Variants in SPIDR observed in about 807,000 individuals in gnomAD.
SPIDR encodes the protein DNA repair-scaffolding protein.
In SPIDR, 93 loss-of-function variants were observed where a neutral mutation model predicts 104.6. The observed-to-expected ratio is 0.89, with a 90% CI of 0.75 to 1.06. The LOEUF (loss-of-function observed/expected upper bound fraction) is 1.06, where lower values mean the gene tolerates loss of function less well. Ranked by LOEUF, SPIDR falls within the 50% of genes least tolerant of loss-of-function variation. The probability of loss-of-function intolerance (pLI) is 0.00; values close to 1 mark genes in which losing one functional copy is unlikely to be tolerated. For missense variants in SPIDR, 1,154 were observed against 1,111.2 expected (o/e 1.04, Z -0.55); for synonymous variants, 431 against 416.9 (o/e 1.03, Z -0.41).
intron 8 of SPIDR, among the ~76,000 whole-genome samples, chr8:47,549,331 A>T (rs564195611): frequency 1.3e-5 from 2 of 152,274 alleles, no homozygotes; most frequent in Admixed American, 6.5e-5. Context: ...TCTAGATCCT[A>T]GAGGAGTCGT....
chr8:47,516,320 T>C (rs2083144112), intron 8 of SPIDR, among the ~76,000 whole-genome samples: 3 of 152,242 alleles, frequency 2.0e-5, no homozygotes, highest in Admixed American at 2.0e-4. Flanking sequence ...TTTTTAGATG[T>C]ATTTTCAGTG....
At chr8:47,483,378 C>T (rs1314109614) in intron 8 of SPIDR, among the ~76,000 whole-genome samples, 10 of 152,128 alleles carry the variant, frequency 6.6e-5, no homozygotes, top group Non-Finnish European at 1.3e-4. Flanking sequence ...AGGTAAGATA[C>T]GCAGTCTGTC....
At chr8:47,605,880 CA>C (rs1485491639) in intron 10 of SPIDR, among the ~76,000 whole-genome samples, 3 of 152,162 alleles carry the variant, frequency 2.0e-5, no homozygotes. Flanking sequence ...TAAGCAAAGA[CA>C]AGCTATCGCA....
In SPIDR at chr8:47,269,165, CTT is replaced by C. The variant is rs1160351168; in HGVS notation, c.33+8197_33+8198del. Among the ~76,000 whole-genome samples, 155 of 111,798 alleles carry C rather than the reference CTT, an allele frequency of 1.4e-3. 1 individual carries two copies. Among genetic ancestry groups the C allele is most frequent in the African/African-American group, 4.0e-3 (105 of 26,548 alleles). 73.3% of individuals were successfully genotyped at this position (111,798 alleles called of 152,430 possible). ...CTGGGCAACAGAGTGAGACCCTCTC[CTT>C]TTTTTTTTTTTTTTTTTTTTTTAAA... On this transcript the variant is annotated intron_variant, in intron 1 of 19. Coordinates refer to ENST00000297423, the MANE Select transcript of SPIDR (RefSeq NM_001080394.4).
At chr8:47,587,552 G>A (rs1341422596) in intron 8 of SPIDR, among the ~76,000 whole-genome samples, 1 of 149,802 alleles carries the variant, frequency 6.7e-6, no homozygotes, top group Admixed American at 6.7e-5. Context: ...GGAGGTTGCT[G>A]TGAGCCGAGA....
chr8:47,410,918 T>C (rs1554670888), intron 7 of SPIDR, among the ~76,000 whole-genome samples: 1 of 152,202 alleles, frequency 6.6e-6, no homozygotes, highest in East Asian at 1.9e-4. Context: ...TGTTCGGTTT[T>C]TTGTCCTTGC....
intron 7 of SPIDR, among the ~76,000 whole-genome samples, chr8:47,434,714 G>C (rs1323393813): frequency 6.6e-6 from 1 of 151,744 alleles, no homozygotes; most frequent in Admixed American, 6.6e-5. Context: ...ATACTAACTT[G>C]CTTCACGGAG....
rs551225157 is a variant in SPIDR, at chr8:47,376,663, A to G, written c.526-19713A>G. Among the ~76,000 whole-genome samples, 35 of 152,304 alleles carry G rather than the reference A, an allele frequency of 2.3e-4. No homozygotes were observed. The East Asian group carries it at 5.8e-3, about 25-fold the overall frequency. The stretch of plus-strand genomic sequence containing the variant: ...TTGTACTAAGGTCATAGTAGGTTCC[A>G]ATAAATAGTAAGTTGAATTTTCAAA... On this transcript the variant is annotated intron_variant, in intron 5 of 19. Coordinates refer to ENST00000297423, the MANE Select transcript of SPIDR (RefSeq NM_001080394.4).
At chr8:47,321,847 C>T (rs1362266047) in intron 5 of SPIDR, among the ~76,000 whole-genome samples, 4 of 151,920 alleles carry the variant, frequency 2.6e-5, no homozygotes, top group Admixed American at 6.6e-5. Flanking sequence ...AATGGGAAAA[C>T]GATTCCCTAT....
At chr8:47,404,166 G>A (rs1355821358) in intron 6 of SPIDR, among the ~76,000 whole-genome samples, 3 of 152,180 alleles carry the variant, frequency 2.0e-5, no homozygotes, top group Admixed American at 6.5e-5. Context: ...AGCTGAAACT[G>A]GATCCCTTCC....
rs142468607 is a variant in SPIDR, at chr8:47,446,212, T to C, written c.1097+5670T>C. On this transcript the variant is annotated intron_variant, in intron 8 of 19. Transcript: ENST00000297423. ...TTTTATTAAGGTCTAATACAGCTGG[T>C]GACTTTAAATTGAATCCAGTGTTCA... 3.2e-4 allele frequency among the ~76,000 whole-genome samples: 49 copies of C among 152,322 alleles called. No homozygotes were observed. The East Asian group carries it at 8.7e-3, about 27-fold the overall frequency.
intron 10 of SPIDR, among the ~76,000 whole-genome samples, chr8:47,647,497 C>T (rs527327145): frequency 6.6e-6 from 1 of 152,264 alleles, no homozygotes; most frequent in Admixed American, 6.5e-5. Flanking sequence ...CGCCTATAAT[C>T]TCAGCTACTC....
intron 6 of SPIDR, among the ~76,000 whole-genome samples, chr8:47,407,302 G>A (rs1197114361): frequency 1.3e-5 from 2 of 152,158 alleles, no homozygotes; most frequent in African/African-American, 4.8e-5. Context: ...AAATATCTCT[G>A]GAGTCCAAAT....
At chr8:47,561,816 C>T (rs2057115414) in intron 8 of SPIDR, among the ~76,000 whole-genome samples, 1 of 152,126 alleles carries the variant, frequency 6.6e-6, no homozygotes, top group Non-Finnish European at 1.5e-5. Context: ...ATAACATGTA[C>T]GGTAACTGAC....
At chr8:47,448,727 G>A (rs1167084033) in intron 8 of SPIDR, among the ~76,000 whole-genome samples, 1 of 151,958 alleles carries the variant, frequency 6.6e-6, no homozygotes, top group Admixed American at 6.6e-5. Flanking sequence ...GGTGTCAGGG[G>A]TAGCTTCCTG....
At chr8:47,518,207 C>A (rs565621363) in intron 8 of SPIDR, among the ~76,000 whole-genome samples, 1 of 152,342 alleles carries the variant, frequency 6.6e-6, no homozygotes, top group East Asian at 1.9e-4. Context: ...GTTCCACTTT[C>A]ACCTCATGCT....
Position 47,437,090 on chromosome 8 carries a change from C to G in SPIDR, c.878-3233C>G, listed in dbSNP as rs896728419. On this transcript the variant is annotated intron_variant, in intron 7 of 19. Transcript: ENST00000297423. ...TTACTGGAATACTGTCAAGATTTAT[C>G]ATAGAAATCTTTTTTTTTTATACTT... 3.9e-5 allele frequency among the ~76,000 whole-genome samples: 6 copies of G among 152,250 alleles called. No homozygotes were observed. In the East Asian group the frequency reaches 7.7e-4, roughly 20 times the overall value.
intron 7 of SPIDR, among the ~76,000 whole-genome samples, chr8:47,423,856 C>T (rs143189731): frequency 1.3e-5 from 2 of 152,224 alleles, no homozygotes; most frequent in Non-Finnish European, 2.9e-5. Flanking sequence ...TTTATCTTCA[C>T]GAATCATTGT....
Position 47,712,839 on chromosome 8 carries a change from A to C in SPIDR, c.2155A>C (p.Ser719Arg), listed in dbSNP as rs566690509. 1 of 1,614,092 alleles carries C rather than the reference A, an allele frequency of 6.2e-7. No individual in the cohort carries two copies. Among genetic ancestry groups the C allele is most frequent in the African/African-American group, 1.3e-5 (1 of 75,024 alleles). Residue 719 changes from serine (S) to arginine (R), a missense_variant, in exon 15 of 20, where the codon AGC (serine) becomes CGC (arginine). Coordinates refer to ENST00000297423, the MANE Select transcript of SPIDR (RefSeq NM_001080394.4). Reference sequence around the variant, plus strand: ...GGCACTCGCTGGGGCTGCCCCTCACAGCCTCTTCTTCAAGGACGCTCTCCG... The same window carrying C: ...GGCACTCGCTGGGGCTGCCCCTCACCGCCTCTTCTTCAAGGACGCTCTCCG... ...LEALAGAAPHSLFFKDALRDQ... is the reference protein window; with the variant it reads ...LEALAGAAPHRLFFKDALRDQ...
Sources: allele counts gnomAD v4.1 joint callset (sites outside exome capture counted in the v4.1 genomes callset), GRCh38; gene constraint gnomAD v4.1.1; transcripts MANE v1.5; gene names NCBI Gene and HGNC (gene_info 2026-07-23, HGNC 2026-07-21).